The following PLCXD2 variants were observed in gnomAD, a reference collection of about 807,000 sequenced individuals.
PLCXD2 encodes the protein phosphatidylinositol specific phospholipase C X domain containing 2.
PLCXD2 carries 21 observed loss-of-function variants against 28.6 expected under a neutral mutation model. That is an observed-to-expected ratio of 0.73 (90% CI 0.52 to 1.06). The LOEUF (loss-of-function observed/expected upper bound fraction) is 1.06. Ranked by LOEUF, PLCXD2 falls within the 50% of genes least tolerant of loss-of-function variation. The pLI is 0.00. For missense variants in PLCXD2, 369 were observed against 376.7 expected (o/e 0.98, Z 0.17); for synonymous variants, 140 against 150.1 (o/e 0.93, Z 0.49).
chr3:111,690,120 C>G (rs1404856089), intron 1 of PLCXD2, among the ~76,000 whole-genome samples: 1 of 123,056 alleles, frequency 8.1e-6, no homozygotes, highest in East Asian at 2.2e-4. Context: ...ATCCTGATAA[C>G]AATACTAGAA....
chr3:111,697,904 G>A (rs1940985363), intron 1 of PLCXD2, among the ~76,000 whole-genome samples: 1 of 152,038 alleles, frequency 6.6e-6, no homozygotes. Flanking sequence ...TATAATTTTA[G>A]TTTTAGTGCC....
chr3:111,707,486 A>T (rs1241595365), intron 1 of PLCXD2, among the ~76,000 whole-genome samples: 1 of 152,176 alleles, frequency 6.6e-6, no homozygotes, highest in Non-Finnish European at 1.5e-5. Context: ...TCTATAAGAG[A>T]CACTTAAGCA....
chr3:111,718,145 T>A (rs1037704118), intron 3 of PLCXD2, among the ~76,000 whole-genome samples: 1 of 152,116 alleles, frequency 6.6e-6, no homozygotes, highest in East Asian at 1.9e-4. Flanking sequence ...GGGAGGGTGA[T>A]CTTTTAAGTC....
At chr3:111,676,952 C>T (rs1214942027) in intron 1 of PLCXD2, 1 of 152,264 alleles carries the variant, frequency 6.6e-6, no homozygotes, top group African/African-American at 2.4e-5. Context: ...TGTACTCTGA[C>T]CCCGTGACTG....
At chr3:111,718,502 TA>T (rs757926108) in intron 3 of PLCXD2, among the ~76,000 whole-genome samples, 13 of 107,938 alleles carry the variant, frequency 1.2e-4, no homozygotes, top group Non-Finnish European at 2.1e-4. Context: ...GATAGATAGA[TA>T]GATAGATAGA....
At chr3:111,678,500 A>C (rs1408375657) in intron 1 of PLCXD2, among the ~76,000 whole-genome samples, 1 of 152,224 alleles carries the variant, frequency 6.6e-6, no homozygotes, top group Non-Finnish European at 1.5e-5. Flanking sequence ...CTTTTCAATG[A>C]ATTTTTTCTC....
chr3:111,680,173 T>A (rs1327126020), intron 1 of PLCXD2, among the ~76,000 whole-genome samples: 1 of 152,148 alleles, frequency 6.6e-6, no homozygotes, highest in Non-Finnish European at 1.5e-5. Flanking sequence ...CACACCCTCT[T>A]CCCACATGTG....
At chr3:111,688,199 G>A (rs1940823867) in intron 1 of PLCXD2, among the ~76,000 whole-genome samples, 2 of 152,168 alleles carry the variant, frequency 1.3e-5, no homozygotes, top group Admixed American at 6.5e-5. Flanking sequence ...AGCACAAGCT[G>A]GAAGACTACC....
chr3:111,687,623 T>C (rs147530989), intron 1 of PLCXD2, among the ~76,000 whole-genome samples: 29 of 152,262 alleles, frequency 1.9e-4, no homozygotes, highest in African/African-American at 6.3e-4. Context: ...CTAAATATCT[T>C]CAGCATTTAA....
chr3:111,708,140 G>A lies in PLCXD2; in HGVS notation c.378G>A (p.Gln126=). The A allele has an allele frequency of 6.2e-7, 1 of 1,614,194 alleles. No individual in the cohort carries two copies. The highest frequency in any genetic ancestry group is 8.5e-7 in the Non-Finnish European group (1 of 1,180,032). ...CTTCCAAACCAGGGGATGCCGACCAGGAGATCTACTTCATCCATGGGCTTT... is the reference window on the plus strand; with the variant it reads ...CTTCCAAACCAGGGGATGCCGACCAAGAGATCTACTTCATCCATGGGCTTT... The change falls in exon 2 of 5, where the codon CAG becomes CAA. Residue 126 remains glutamine, a synonymous_variant. Transcript: ENST00000477665.
At chr3:111,704,200 G>A (rs915744142) in intron 1 of PLCXD2, among the ~76,000 whole-genome samples, 5 of 152,148 alleles carry the variant, frequency 3.3e-5, no homozygotes, top group African/African-American at 9.7e-5. Context: ...GTAATATTGC[G>A]GGGGGTAGTG....
At position 111,683,218 on chromosome 3, in the gene PLCXD2, C is replaced by T. The variant is rs115880854; in HGVS notation, c.163+7810C>T. Among the ~76,000 whole-genome samples the T allele has an allele frequency of 1.2e-3, 180 of 152,186 alleles. 1 individual carries two copies. Among genetic ancestry groups the T allele is most frequent in the African/African-American group, 4.1e-3 (171 of 41,504 alleles). On this transcript the variant is annotated intron_variant, in intron 1 of 4. Transcript: ENST00000477665. ...CACCCTTGGGTTGAAATATAAATAG[C>T]GAGGAGTAGAAAGCCAGGTGTCCCA... is the stretch of plus-strand genomic sequence containing the variant.
chr3:111,709,039 G>A (rs1941162175), intron 2 of PLCXD2, among the ~76,000 whole-genome samples: 2 of 149,374 alleles, frequency 1.3e-5, no homozygotes, highest in South Asian at 4.2e-4. Context: ...TGATCCTAAA[G>A]GATGACAGTA....
intron 2 of PLCXD2, among the ~76,000 whole-genome samples, chr3:111,712,031 G>A (rs561698399): frequency 6.6e-6 from 1 of 152,156 alleles, no homozygotes; most frequent in East Asian, 1.9e-4. Flanking sequence ...GAAAAACACA[G>A]CAGACAGAGG....
chr3:111,710,923 A>G (rs535424974), intron 2 of PLCXD2, among the ~76,000 whole-genome samples: 1 of 152,350 alleles, frequency 6.6e-6, no homozygotes, highest in East Asian at 1.9e-4. Context: ...CTAACAGTAG[A>G]GTGATGATCT....
At chr3:111,722,215 A>ATTTATTTG (rs1559799994) in intron 3 of PLCXD2, 1 of 151,748 alleles carries the variant, frequency 6.6e-6, no homozygotes, top group African/African-American at 2.4e-5. Context: ...TTATTTATTT[A>ATTTATTTG]TAGATTAAAT....
chr3:111,699,656 G>A (rs1321661456), intron 1 of PLCXD2, among the ~76,000 whole-genome samples: 5 of 152,218 alleles, frequency 3.3e-5, no homozygotes, highest in East Asian at 3.9e-4. Flanking sequence ...TAACCTTTTC[G>A]CATTCAAATC....
intron 1 of PLCXD2, among the ~76,000 whole-genome samples, chr3:111,699,137 G>A (rs998940942): frequency 1.3e-5 from 2 of 152,124 alleles, no homozygotes; most frequent in East Asian, 1.9e-4. Flanking sequence ...GAAGTCAGGA[G>A]TTCTTTGACT....
chr3:111,695,502 TAG>T (rs2107850766), intron 1 of PLCXD2, among the ~76,000 whole-genome samples: 1 of 152,352 alleles, frequency 6.6e-6, no homozygotes, highest in Non-Finnish European at 1.5e-5. Flanking sequence ...CATTCTCAAG[TAG>T]AGTTAGGGTT....
Sources: allele counts gnomAD v4.1 joint callset (sites outside exome capture counted in the v4.1 genomes callset), GRCh38; gene constraint gnomAD v4.1.1; transcripts MANE v1.5; gene names NCBI Gene and HGNC (gene_info 2026-07-23, HGNC 2026-07-21).